The following KCNT2 variants were observed in gnomAD, a reference collection of about 807,000 sequenced individuals.
KCNT2 encodes potassium channel subfamily T member 2.
A neutral mutation model predicts 153.8 loss-of-function variants in KCNT2; 67 were observed. The observed-to-expected ratio is 0.44, with a 90% CI of 0.36 to 0.53. The LOEUF (loss-of-function observed/expected upper bound fraction) is 0.53, where lower values mean the gene tolerates loss of function less well. Among genes scored for constraint, KCNT2 ranks in the 20% least tolerant of loss-of-function variants. KCNT2 has a pLI of 0.00. For synonymous variants in KCNT2, 500 were observed against 458.8 expected, an observed-to-expected ratio of 1.09 and a Z score of -1.15; for missense variants, 975 against 1,354.8, an observed-to-expected ratio of 0.72 and a Z score of 4.40.
chr1:196,601,660 T>C (rs1318799635), intron 1 of KCNT2, among the ~76,000 whole-genome samples: 1 of 152,234 alleles, frequency 6.6e-6, no homozygotes, highest in African/African-American at 2.4e-5. Context: ...AAACCACTTA[T>C]TATGATGGTG....
intron 1 of KCNT2, among the ~76,000 whole-genome samples, chr1:196,514,958 A>G (rs1470700226): frequency 1.3e-5 from 2 of 152,210 alleles, no homozygotes; most frequent in African/African-American, 4.8e-5. Context: ...TCAAATAACA[A>G]ATGAAACAAA....
At chr1:196,597,751 T>A (rs1288609170) in intron 1 of KCNT2, among the ~76,000 whole-genome samples, 1 of 152,214 alleles carries the variant, frequency 6.6e-6, no homozygotes, top group Non-Finnish European at 1.5e-5. Flanking sequence ...ACTTGGTTTT[T>A]TCCTTATTAT....
chr1:196,464,774 T>C lies in KCNT2; in HGVS notation c.638+519A>G, dbSNP rs376213884. On this transcript the variant is annotated intron_variant, in intron 8 of 27. Transcript: ENST00000294725. Reference sequence around the variant, plus strand: ...GAAAGGGAAATTACTGTTTTTATAATAAAGCATATTTTATATGTTTTTATA... The same window carrying C: ...GAAAGGGAAATTACTGTTTTTATAACAAAGCATATTTTATATGTTTTTATA... 9.2e-5 allele frequency among the ~76,000 whole-genome samples: 14 copies of C among 152,144 alleles called. No homozygotes were observed. In the East Asian group the frequency reaches 2.3e-3, roughly 25 times the overall value.
intron 1 of KCNT2, among the ~76,000 whole-genome samples, chr1:196,543,817 G>A (rs560497378): frequency 4.6e-5 from 7 of 152,212 alleles, no homozygotes; most frequent in East Asian, 3.9e-4. Flanking sequence ...GTACAGCCAC[G>A]CTGGAAAAAA....
At chr1:196,331,522 G>T (rs1209250493) in intron 17 of KCNT2, among the ~76,000 whole-genome samples, 1 of 151,916 alleles carries the variant, frequency 6.6e-6, no homozygotes, top group Non-Finnish European at 1.5e-5. Context: ...CATGTCATGC[G>T]AAAATTATAC....
intron 5 of KCNT2, among the ~76,000 whole-genome samples, chr1:196,470,369 A>G (rs1677984945): frequency 6.6e-6 from 1 of 152,230 alleles, no homozygotes; most frequent in Admixed American, 6.5e-5. Flanking sequence ...ATTTTAAGGC[A>G]AAAGTGCCTA....
chr1:196,562,322 T>C (rs933905236), intron 1 of KCNT2, among the ~76,000 whole-genome samples: 1 of 151,998 alleles, frequency 6.6e-6, no homozygotes, highest in East Asian at 1.9e-4. Context: ...AAGATCTCTG[T>C]TTTAATGTTA....
chr1:196,423,758 G>A (rs1221510868), intron 11 of KCNT2, among the ~76,000 whole-genome samples: 3 of 150,994 alleles, frequency 2.0e-5, no homozygotes, highest in Non-Finnish European at 4.4e-5. Flanking sequence ...TGGTTTCTAT[G>A]GGGAGGAAAT....
chr1:196,320,431 A>T (rs1663181058), intron 19 of KCNT2, among the ~76,000 whole-genome samples: 1 of 151,900 alleles, frequency 6.6e-6, no homozygotes, highest in South Asian at 2.1e-4. Context: ...TCTATTATAT[A>T]TTTTAATCTG....
At chr1:196,376,324 A>G (rs1668965015) in intron 13 of KCNT2, among the ~76,000 whole-genome samples, 1 of 151,940 alleles carries the variant, frequency 6.6e-6, no homozygotes, top group Non-Finnish European at 1.5e-5. Flanking sequence ...CAGACACTAT[A>G]TAACATATCC....
intron 16 of KCNT2, among the ~76,000 whole-genome samples, chr1:196,336,034 C>A (rs1030788613): frequency 6.6e-6 from 1 of 152,018 alleles, no homozygotes; most frequent in Non-Finnish European, 1.5e-5. Flanking sequence ...AAAATAGAAC[C>A]CTGCTTAAGT....
intron 17 of KCNT2, among the ~76,000 whole-genome samples, chr1:196,331,962 A>G (rs920559039): frequency 3.3e-5 from 5 of 152,164 alleles, no homozygotes; most frequent in Admixed American, 2.6e-4. Context: ...TTTCGGCTAT[A>G]CTGACTTTCA....
chr1:196,523,093 T>G (rs1653687724), intron 1 of KCNT2, among the ~76,000 whole-genome samples: 1 of 152,194 alleles, frequency 6.6e-6, no homozygotes, highest in Non-Finnish European at 1.5e-5. Flanking sequence ...TGCGAAGGCC[T>G]GCAGCTTCAC....
At chr1:196,536,005 G>A (rs1238311132) in intron 1 of KCNT2, among the ~76,000 whole-genome samples, 3 of 152,206 alleles carry the variant, frequency 2.0e-5, no homozygotes, top group African/African-American at 7.2e-5. Context: ...TAAGCTGAGG[G>A]CATCCTCCAG....
At chr1:196,505,757 C>T (rs983489215) in intron 1 of KCNT2, among the ~76,000 whole-genome samples, 1 of 151,856 alleles carries the variant, frequency 6.6e-6, no homozygotes, top group African/African-American at 2.4e-5. Context: ...TCTTTTATTT[C>T]ATTGAGCAGT....
chr1:196,282,913 C>A (rs917056613), intron 23 of KCNT2, among the ~76,000 whole-genome samples: 1 of 152,102 alleles, frequency 6.6e-6, no homozygotes, highest in African/African-American at 2.4e-5. Context: ...GGCATGATAG[C>A]GGCTCACTGC....
chr1:196,236,009 G>A lies in KCNT2; in HGVS notation c.3273C>T (p.Thr1091=). The change falls in exon 27 of 28, where the codon ACC becomes ACT. Residue 1091 remains threonine, a synonymous_variant. Coordinates refer to ENST00000294725, the MANE Select transcript of KCNT2 (RefSeq NM_198503.5). ...SYILINPSPD[T]RIELNDVVYL... ...ACACAACATCATTCAGCTCTATTCTGGTATCTGGAGATGGGTTAATCAGGA... is the reference window on the plus strand; with the variant it reads ...ACACAACATCATTCAGCTCTATTCTAGTATCTGGAGATGGGTTAATCAGGA... 4.4e-6 allele frequency: 7 copies of A among 1,598,320 alleles called. No homozygotes were observed. The highest frequency in any genetic ancestry group is 1.3e-5 in the African/African-American group (1 of 74,492).
chr1:196,348,206 TA>T (rs79246767), intron 14 of KCNT2, among the ~76,000 whole-genome samples: 8,710 of 144,776 alleles, frequency 0.06, 304 homozygotes, highest in Non-Finnish European at 0.075. Flanking sequence ...TCATTAGAAT[TA>T]AAAAAAAAAA....
chr1:196,604,055 A>G (rs1194588028), intron 1 of KCNT2, among the ~76,000 whole-genome samples: 3 of 152,224 alleles, frequency 2.0e-5, no homozygotes, highest in Non-Finnish European at 4.4e-5. Flanking sequence ...AGTCCAAGGC[A>G]GGAAGATGGC....
Sources: gnomAD v4.1 joint callset for allele counts (sites outside exome capture counted in the v4.1 genomes callset) on GRCh38, gnomAD v4.1.1 for gene constraint, MANE v1.5 for transcripts, NCBI Gene and HGNC (gene_info 2026-07-23, HGNC 2026-07-21) for gene names.